Variants in MSRA observed in about 807,000 individuals in gnomAD.
MSRA encodes mitochondrial peptide methionine sulfoxide reductase.
A neutral mutation model predicts 31.3 loss-of-function variants in MSRA; 54 were observed. The observed-to-expected ratio is 1.73, with a 90% CI of 1.39 to 2.17. The LOEUF (loss-of-function observed/expected upper bound fraction) is 2.17. MSRA is among the 30% of genes most tolerant of loss of function. MSRA has a pLI of 0.00. For synonymous variants in MSRA, 169 were observed against 116.5 expected (o/e 1.45, Z -2.90); for missense variants, 507 against 300.9 (o/e 1.69, Z -5.07).
intron 3 of MSRA, among the ~76,000 whole-genome samples, chr8:10,284,799 T>C (rs1444312759): frequency 6.6e-6 from 1 of 152,164 alleles, no homozygotes; most frequent in Non-Finnish European, 1.5e-5. Flanking sequence ...ATGGATATAA[T>C]GAAAATAGCT....
chr8:10,342,922 C>A (rs1274608357), intron 5 of MSRA, among the ~76,000 whole-genome samples: 2 of 152,092 alleles, frequency 1.3e-5, no homozygotes, highest in Non-Finnish European at 2.9e-5. Context: ...CGTTCTCATA[C>A]ATAAAATGTG....
chr8:10,304,834 G>T (rs1219093253), intron 4 of MSRA, among the ~76,000 whole-genome samples: 1 of 152,232 alleles, frequency 6.6e-6, no homozygotes, highest in Non-Finnish European at 1.5e-5. Flanking sequence ...AAAGAGAGCA[G>T]CAGGTTGGAT....
intron 1 of MSRA, among the ~76,000 whole-genome samples, chr8:10,195,166 T>C (rs1268457976): frequency 6.6e-6 from 1 of 152,216 alleles, no homozygotes; most frequent in Non-Finnish European, 1.5e-5. Flanking sequence ...GATGACTGTC[T>C]TTGTCCGTGA....
In MSRA at chr8:10,404,558, G is replaced by A. The variant is rs775678729; in HGVS notation, c.544-23590G>A. 5.9e-5 allele frequency among the ~76,000 whole-genome samples: 9 copies of A among 152,330 alleles called. No individual in the cohort carries two copies. The East Asian group carries it at 1.4e-3, about 23-fold the overall frequency. On this transcript the variant is annotated intron_variant, in intron 5 of 5. Transcript: ENST00000317173. The stretch of plus-strand genomic sequence containing the variant: ...GGCGGCCGCTCCCTCCCTCACCTAC[G>A]ATCTGCCGTCAGCAGCTGCTTCTGA...
intron 1 of MSRA, among the ~76,000 whole-genome samples, chr8:10,110,949 C>T (rs145411190): frequency 5.5e-4 from 83 of 152,234 alleles, no homozygotes; most frequent in African/African-American, 1.8e-3. Context: ...CTAGCAATTT[C>T]TTTATTGTGG....
At chr8:10,098,978 A>C (rs1303679755) in intron 1 of MSRA, among the ~76,000 whole-genome samples, 1 of 152,208 alleles carries the variant, frequency 6.6e-6, no homozygotes, top group Non-Finnish European at 1.5e-5. Context: ...GAGGAAGATA[A>C]GGCCCCTCCC....
At chr8:10,416,968 C>T (rs139184463) in intron 5 of MSRA, among the ~76,000 whole-genome samples, 6 of 152,240 alleles carry the variant, frequency 3.9e-5, no homozygotes, top group Non-Finnish European at 7.4e-5. Flanking sequence ...TGATTTACCT[C>T]GAGGGTGCAG....
intron 2 of MSRA, among the ~76,000 whole-genome samples, chr8:10,239,036 A>C (rs992506618): frequency 6.6e-6 from 1 of 152,190 alleles, no homozygotes; most frequent in Non-Finnish European, 1.5e-5. Context: ...AATTGCAACA[A>C]ACCAAGAAAA....
intron 5 of MSRA, among the ~76,000 whole-genome samples, chr8:10,385,093 A>G (rs897902904): frequency 6.6e-6 from 1 of 152,192 alleles, no homozygotes; most frequent in Non-Finnish European, 1.5e-5. Context: ...TTCGAATGCA[A>G]AGGACAAGTG....
At chr8:10,174,519 C>T (rs1036712796) in intron 1 of MSRA, among the ~76,000 whole-genome samples, 8 of 152,082 alleles carry the variant, frequency 5.3e-5, no homozygotes, top group African/African-American at 1.2e-4. Context: ...CCCATGACTT[C>T]CCAGCTCACC....
At chr8:10,319,269 G>A (rs1263791935) in intron 4 of MSRA, among the ~76,000 whole-genome samples, 1 of 152,162 alleles carries the variant, frequency 6.6e-6, no homozygotes, top group Non-Finnish European at 1.5e-5. Flanking sequence ...TGGCAACCCT[G>A]CGGCTGTTTC....
intron 1 of MSRA, among the ~76,000 whole-genome samples, chr8:10,099,941 G>T (rs757931153): frequency 6.6e-6 from 1 of 152,192 alleles, no homozygotes; most frequent in African/African-American, 2.4e-5. Context: ...GGCCAGTGGA[G>T]TGCCCAGTGA....
chr8:10,376,392 C>G lies in MSRA; in HGVS notation c.544-51756C>G, dbSNP rs1805757590. Among the ~76,000 whole-genome samples the G allele has an allele frequency of 2.6e-5, 4 of 152,262 alleles. No individual in the cohort carries two copies. The South Asian group carries it at 8.3e-4, about 32-fold the overall frequency. On this transcript the variant is annotated intron_variant, in intron 5 of 5. Coordinates refer to ENST00000317173, the MANE Select transcript of MSRA (RefSeq NM_012331.5). ...TAATCAAGTGCAGATTTAGAAAATA[C>G]CTAATTAGAGGCAGGACAGCAGCAT...
intron 2 of MSRA, among the ~76,000 whole-genome samples, chr8:10,219,691 A>G (rs13268583): frequency 2.3e-4 from 35 of 150,164 alleles, no homozygotes; most frequent in African/African-American, 8.6e-4. Flanking sequence ...CTGTAGTCCC[A>G]GCTACTTGGG....
chr8:10,291,570 T>C (rs1227953051), intron 3 of MSRA, among the ~76,000 whole-genome samples: 2 of 152,126 alleles, frequency 1.3e-5, no homozygotes, highest in Non-Finnish European at 2.9e-5. Flanking sequence ...GAGCTGGAGA[T>C]GAAACCGAGC....
intron 1 of MSRA, among the ~76,000 whole-genome samples, chr8:10,173,402 A>G (rs1258869146): frequency 2.0e-5 from 3 of 152,256 alleles, no homozygotes; most frequent in Non-Finnish European, 2.9e-5. Flanking sequence ...GCTTGGCGTC[A>G]TGATTTAACT....
chr8:10,135,782 G>A (rs1339960296), intron 1 of MSRA, among the ~76,000 whole-genome samples: 4 of 152,194 alleles, frequency 2.6e-5, no homozygotes, highest in South Asian at 2.1e-4. Context: ...TTGCATATAC[G>A]CAAACTGGCA....
chr8:10,113,046 C>T (rs1330357381), intron 1 of MSRA, among the ~76,000 whole-genome samples: 1 of 152,116 alleles, frequency 6.6e-6, no homozygotes, highest in African/African-American at 2.4e-5. Flanking sequence ...CTGTCTGCAG[C>T]TCCATCACCT....
At chr8:10,143,617 C>T (rs780894911) in intron 1 of MSRA, among the ~76,000 whole-genome samples, 2 of 152,144 alleles carry the variant, frequency 1.3e-5, no homozygotes, top group East Asian at 3.9e-4. Context: ...TTACCAGAAG[C>T]AGCAAATGCA....
Sources: gnomAD v4.1 joint callset for allele counts (sites outside exome capture counted in the v4.1 genomes callset) on GRCh38, gnomAD v4.1.1 for gene constraint, MANE v1.5 for transcripts, NCBI Gene and HGNC (gene_info 2026-07-23, HGNC 2026-07-21) for gene names.